The following PACRG variants were observed in gnomAD, a reference collection of about 807,000 sequenced individuals.
The protein encoded by PACRG is parkin coregulated gene protein.
A neutral mutation model predicts 29.7 loss-of-function variants in PACRG; 29 were observed. The ratio of observed to expected loss-of-function variants is 0.98; its 90% CI spans 0.73 to 1.33. PACRG has a LOEUF of 1.33. PACRG is among the 40% of genes most tolerant of loss of function. The probability of loss-of-function intolerance (pLI) is 0.00; values close to 1 mark genes in which losing one functional copy is unlikely to be tolerated. For missense variants in PACRG, 279 were observed against 316.2 expected, an observed-to-expected ratio of 0.88 and a Z score of 0.89; for synonymous variants, 116 against 118.7, an observed-to-expected ratio of 0.98 and a Z score of 0.15.
intron 2 of PACRG, among the ~76,000 whole-genome samples, chr6:163,042,241 A>G (rs1808800521): frequency 6.6e-6 from 1 of 152,200 alleles, no homozygotes; most frequent in African/African-American, 2.4e-5. Flanking sequence ...AAAGGGCAGC[A>G]GGGCACAAAG....
chr6:163,183,752 TG>T (rs1779782026), intron 4 of PACRG, among the ~76,000 whole-genome samples: 1 of 152,242 alleles, frequency 6.6e-6, no homozygotes, highest in Admixed American at 6.5e-5. Flanking sequence ...AGTCATTTCC[TG>T]TATCTAAAAT....
intron 4 of PACRG, among the ~76,000 whole-genome samples, chr6:163,152,360 G>A (rs1168162100): frequency 6.6e-6 from 1 of 152,126 alleles, no homozygotes; most frequent in East Asian, 1.9e-4. Context: ...TACATCTGGG[G>A]TCTTTGAAGT....
intron 2 of PACRG, among the ~76,000 whole-genome samples, chr6:162,937,487 C>G (rs1798317671): frequency 6.6e-6 from 1 of 152,130 alleles, no homozygotes; most frequent in Non-Finnish European, 1.5e-5. Context: ...ATCTAGATCT[C>G]AGCTTGTCCA....
intron 2 of PACRG, among the ~76,000 whole-genome samples, chr6:162,837,643 G>A (rs1272376050): frequency 3.3e-5 from 5 of 152,118 alleles, no homozygotes; most frequent in Non-Finnish European, 5.9e-5. Flanking sequence ...TTTCCAATAA[G>A]TTAATAAAAG....
At chr6:163,161,204 A>G (rs1040039292) in intron 4 of PACRG, among the ~76,000 whole-genome samples, 3 of 152,076 alleles carry the variant, frequency 2.0e-5, no homozygotes, top group African/African-American at 4.8e-5. Flanking sequence ...CCAGGATTTC[A>G]GTCTTACCTA....
At position 163,195,420 on chromosome 6, in the gene PACRG, A is replaced by G. The variant is rs138435414; in HGVS notation, c.613+106012A>G. On this transcript the variant is annotated intron_variant, in intron 4 of 4. Transcript: ENST00000366888. Reference sequence around the variant, plus strand: ...TCCTCATGTGGGTTCTCCTTACATCATACATTTGACCGTGAAACCCATGAA... The same window carrying G: ...TCCTCATGTGGGTTCTCCTTACATCGTACATTTGACCGTGAAACCCATGAA... 4.0e-4 allele frequency among the ~76,000 whole-genome samples: 61 copies of G among 152,198 alleles called. No individual in the cohort carries two copies. In the East Asian group the frequency reaches 0.011, roughly 28 times the overall value.
chr6:163,139,539 A>G (rs1817071125), intron 4 of PACRG, among the ~76,000 whole-genome samples: 1 of 152,204 alleles, frequency 6.6e-6, no homozygotes. Flanking sequence ...CCTGAGGCTC[A>G]GAGGAGACAG....
intron 2 of PACRG, among the ~76,000 whole-genome samples, chr6:162,909,375 G>A (rs1402693286): frequency 3.9e-5 from 6 of 151,950 alleles, no homozygotes; most frequent in African/African-American, 1.5e-4. Flanking sequence ...CTAACACGGT[G>A]AAACCTCATC....
chr6:162,771,845 A>G (rs1263300413), intron 1 of PACRG, among the ~76,000 whole-genome samples: 1 of 152,278 alleles, frequency 6.6e-6, no homozygotes, highest in East Asian at 1.9e-4. Flanking sequence ...ATTACTGTGC[A>G]TGAAACATTC....
At chr6:163,293,394 G>C (rs921113740) in intron 4 of PACRG, among the ~76,000 whole-genome samples, 1 of 152,182 alleles carries the variant, frequency 6.6e-6, no homozygotes, top group Non-Finnish European at 1.5e-5. Flanking sequence ...AGGTAAAAAG[G>C]GTAAGAAAGT....
chr6:163,151,080 G>A (rs1005400890), intron 4 of PACRG, among the ~76,000 whole-genome samples: 1 of 152,116 alleles, frequency 6.6e-6, no homozygotes. Flanking sequence ...TCTCAAAGAA[G>A]ACATGAAAAT....
chr6:162,928,053 G>T (rs1034711285), intron 2 of PACRG, among the ~76,000 whole-genome samples: 1 of 151,996 alleles, frequency 6.6e-6, no homozygotes, highest in African/African-American at 2.4e-5. Context: ...ATGTGTTTGG[G>T]AGAATTCTCT....
intron 2 of PACRG, among the ~76,000 whole-genome samples, chr6:162,982,520 C>A (rs1802523127): frequency 1.3e-5 from 2 of 151,932 alleles, no homozygotes; most frequent in Admixed American, 1.3e-4. Flanking sequence ...TCATTCAGTT[C>A]AAAGAATTTT....
At chr6:163,009,922 A>G (rs1805457181) in intron 2 of PACRG, among the ~76,000 whole-genome samples, 1 of 152,240 alleles carries the variant, frequency 6.6e-6, no homozygotes, top group African/African-American at 2.4e-5. Context: ...ATACATTTAT[A>G]TGTTTGTGTT....
intron 2 of PACRG, among the ~76,000 whole-genome samples, chr6:162,977,166 G>A (rs1802026953): frequency 1.3e-5 from 2 of 151,730 alleles, no homozygotes; most frequent in African/African-American, 2.4e-5. Context: ...TGAGTTGAAG[G>A]ATAGACTCAA....
intron 2 of PACRG, among the ~76,000 whole-genome samples, chr6:162,871,089 C>T (rs565971032): frequency 1.3e-5 from 2 of 152,216 alleles, no homozygotes; most frequent in African/African-American, 2.4e-5. Context: ...AAAATTAAAA[C>T]GAGGTGATGT....
intron 1 of PACRG, among the ~76,000 whole-genome samples, chr6:162,787,085 C>G (rs1178017992): frequency 6.6e-6 from 1 of 152,130 alleles, no homozygotes; most frequent in East Asian, 1.9e-4. Flanking sequence ...CTGCCCTCAG[C>G]TTTTGCATGA....
intron 2 of PACRG, among the ~76,000 whole-genome samples, chr6:163,016,844 A>G (rs1040587536): frequency 6.6e-6 from 1 of 152,068 alleles, no homozygotes; most frequent in Non-Finnish European, 1.5e-5. Flanking sequence ...ATATTTATAT[A>G]TACTGGGTAA....
chr6:162,927,610 C>A (rs1797540108), intron 2 of PACRG, among the ~76,000 whole-genome samples: 1 of 151,862 alleles, frequency 6.6e-6, no homozygotes, highest in Non-Finnish European at 1.5e-5. Context: ...AATGAGAACA[C>A]ATGGAAATGG....
Sources: gnomAD v4.1 joint callset for allele counts (sites outside exome capture counted in the v4.1 genomes callset) on GRCh38, gnomAD v4.1.1 for gene constraint, MANE v1.5 for transcripts, NCBI Gene and HGNC (gene_info 2026-07-23, HGNC 2026-07-21) for gene names.